The following DENND3 variants were observed in gnomAD, a reference collection of about 807,000 sequenced individuals.
DENND3 encodes the protein DENN domain-containing protein 3.
DENND3 carries 88 observed loss-of-function variants against 135.1 expected under a neutral mutation model. The observed-to-expected ratio is 0.65, with a 90% CI of 0.55 to 0.78. The LOEUF is 0.78. Ranked by LOEUF, DENND3 falls within the 30% of genes least tolerant of loss-of-function variation. DENND3 has a pLI of 0.00. For synonymous variants in DENND3, 693 were observed against 712.3 expected (o/e 0.97, Z 0.43); for missense variants, 1,392 against 1,688.4 (o/e 0.82, Z 3.08).
At position 141,168,162 on chromosome 8, in the gene DENND3, C is replaced by T. The variant is rs192799797; in HGVS notation, c.1912C>T (p.Arg638Cys). 8.8e-5 allele frequency: 142 copies of T among 1,614,220 alleles called. No individual in the cohort carries two copies. The East Asian group carries it at 1.3e-3, about 15-fold the overall frequency. The change falls in exon 13 of 23, where the codon CGC becomes TGC. Residue 638 changes from arginine (R) to cysteine (C), a missense_variant. Physicochemically the swap from Arg to Cys is radical, Grantham distance 180. Transcript: ENST00000519811. This position sits in a 1 kb window ranked among gnomAD's most constrained non-coding sequence, Gnocchi z 6.2. ...CCCCGATAACTCTCTGCTCCTGGCC[C>T]GCTATTTGTACCTCCGAGGGCTCGT... ...LAPDNSLLLA[R>C]YLYLRGLVYL...
Position 141,175,619 on chromosome 8 carries a change from T to A in DENND3, c.2535+160T>A, listed in dbSNP as rs307733. The A allele has an allele frequency of 9.1e-7, 1 of 1,098,164 alleles. No homozygotes were observed. The highest frequency in any genetic ancestry group is 1.3e-6 in the Non-Finnish European group (1 of 744,442). The allele number at this position is 1,098,164 out of a possible 1,614,324, so 68.0% of individuals were successfully genotyped here. A position where few individuals can be genotyped will look rare whatever the true frequency, so the allele number is the denominator to read the frequency against. On this transcript the variant is annotated intron_variant, in intron 14 of 22. Coordinates refer to ENST00000519811, the MANE Select transcript of DENND3 (RefSeq NM_001352890.3). This position sits in a 1 kb window ranked among gnomAD's most constrained non-coding sequence, Gnocchi z 5.4. Reference sequence around the variant, plus strand: ...TCCCTCAGTTTGCTCATCTGTAAAGTAGGAATAAGGCTGATACCTTCTCAG... The same window carrying A: ...TCCCTCAGTTTGCTCATCTGTAAAGAAGGAATAAGGCTGATACCTTCTCAG...
chr8:141,152,825 C>T (rs1818965254), intron 7 of DENND3, among the ~76,000 whole-genome samples: 1 of 152,174 alleles, frequency 6.6e-6, no homozygotes, highest in Admixed American at 6.6e-5. Context: ...AACTGCTAAG[C>T]TGTTTTCGCA....
chr8:141,159,645 A>T (rs772744802), intron 8 of DENND3, among the ~76,000 whole-genome samples: 1 of 152,260 alleles, frequency 6.6e-6, no homozygotes, highest in Non-Finnish European at 1.5e-5. Context: ...CCTAGCACAC[A>T]GATCAGTGTA....
intron 16 of DENND3, among the ~76,000 whole-genome samples, chr8:141,179,504 A>G (rs1822820296): frequency 6.6e-6 from 1 of 152,204 alleles, no homozygotes. Flanking sequence ...ACAAATCCGG[A>G]AACATTTTCC....
chr8:141,159,545 T>C (rs1002157054), intron 8 of DENND3, among the ~76,000 whole-genome samples: 1 of 152,230 alleles, frequency 6.6e-6, no homozygotes, highest in African/African-American at 2.4e-5. Context: ...CATTATCTCC[T>C]GTTTTCTTGA....
intron 10 of DENND3, 85 bp downstream of exon 10, chr8:141,163,514 T>A: frequency 1.1e-6 from 1 of 921,342 alleles, no homozygotes; most frequent in Non-Finnish European, 1.6e-6. Context: ...AAATAAGTGT[T>A]CTCAAGTGTA....
Position 141,168,503 on chromosome 8 carries a change from G to T in DENND3, c.2253G>T (p.Arg751=), listed in dbSNP as rs149816204. 1.9e-6 allele frequency: 3 copies of T among 1,609,476 alleles called. No homozygotes were observed. The highest frequency in any genetic ancestry group is 2.5e-6 in the Non-Finnish European group (3 of 1,176,874). Residue 751 remains arginine, a synonymous_variant, in exon 13 of 23, where the codon CGG becomes CGT. Transcript: ENST00000519811. This position sits in a 1 kb window ranked among gnomAD's most constrained non-coding sequence, Gnocchi z 6.2. ...GIVKDASIIH[R]LFEALTVGQE... is the part of the protein sequence containing the mutation. ...TGAAGGACGCCAGCATCATACACCG[G>T]CTGTTCGAGGCCTTGACTGTAGGTA...
In DENND3 at chr8:141,185,294, G is replaced by T; in HGVS notation, c.3084+16G>T. Reference sequence around the variant, plus strand: ...TGCAAAAGTGGTGAGTACACGAAGCGTCAGGAAAGAAGCCTCTGAATTCAC... The same window carrying T: ...TGCAAAAGTGGTGAGTACACGAAGCTTCAGGAAAGAAGCCTCTGAATTCAC... On this transcript the variant is annotated intron_variant, in intron 18 of 22. Coordinates refer to ENST00000519811, the MANE Select transcript of DENND3 (RefSeq NM_001352890.3). The T allele has an allele frequency of 6.2e-7, 1 of 1,613,666 alleles. No homozygotes were observed. Among genetic ancestry groups the T allele is most frequent in the East Asian group, 2.2e-5 (1 of 44,874 alleles).
intron 18 of DENND3, 24 bp from the exon 19 acceptor site, chr8:141,188,962 C>T (rs202159313): frequency 1.0e-4 from 167 of 1,606,124 alleles, no homozygotes; most frequent in Non-Finnish European, 7.9e-5. Flanking sequence ...ACTGATTTCT[C>T]ACGTTCCCGT....
Position 141,168,263 on chromosome 8 carries a change from T to G in DENND3, c.2013T>G (p.Phe671Leu). 1 of 1,614,178 alleles carries G rather than the reference T, an allele frequency of 6.2e-7. No homozygotes were observed. Among genetic ancestry groups the G allele is most frequent in the Non-Finnish European group, 8.5e-7 (1 of 1,180,044 alleles). ...QNLYKTDIRI[F>L]PTDLVKRTVE... ...TGTATAAAACAGACATACGGATCTT[T>G]CCCACTGATTTGGTGAAGAGGACGG... The change falls in exon 13 of 23, where the codon TTT becomes TTG. Residue 671 changes from phenylalanine to leucine, a missense_variant. Phe to Leu is a conservative substitution (Grantham distance 22, BLOSUM62 0). Coordinates refer to ENST00000519811, the MANE Select transcript of DENND3 (RefSeq NM_001352890.3). This position sits in a 1 kb window ranked among gnomAD's most constrained non-coding sequence, Gnocchi z 6.2.
At chr8:141,183,916 T>C (rs1180993834) in intron 17 of DENND3, among the ~76,000 whole-genome samples, 1 of 152,164 alleles carries the variant, frequency 6.6e-6, no homozygotes, top group African/African-American at 2.4e-5. Flanking sequence ...CAGCGTGCTT[T>C]CCGCCAGGGG....
intron 8 of DENND3, among the ~76,000 whole-genome samples, chr8:141,157,159 C>A (rs746830144): frequency 1.3e-5 from 2 of 152,162 alleles, no homozygotes; most frequent in Admixed American, 1.3e-4. Context: ...TGGCTTAGAT[C>A]AGGCGTCAGC....
chr8:141,151,828 A>G lies in DENND3; in HGVS notation c.1065A>G (p.Glu355=). Reference sequence around the variant, plus strand: ...GCTGCCATCTCGACCACTTCGAAGAAGTCAGCAAGGTTAGGTAGCGAACCT... The same window carrying G: ...GCTGCCATCTCGACCACTTCGAAGAGGTCAGCAAGGTTAGGTAGCGAACCT... ...LMGCHLDHFE[E]VSKEADGLVL... Residue 355 remains glutamate (E), a synonymous_variant, in exon 7 of 23, where the codon GAA becomes GAG. Transcript: ENST00000519811. 6.2e-7 allele frequency: 1 copy of G among 1,614,174 alleles called. No individual in the cohort carries two copies. Among genetic ancestry groups the G allele is most frequent in the Non-Finnish European group, 8.5e-7 (1 of 1,180,050 alleles).
chr8:141,192,772 T>C (rs751927616), intron 22 of DENND3, 109 bp downstream of exon 22: 1 of 1,602,490 alleles, frequency 6.2e-7, no homozygotes, highest in Non-Finnish European at 8.5e-7. Flanking sequence ...CCTCCTGCCT[T>C]CGCCTCTCAG....
intron 13 of DENND3, among the ~76,000 whole-genome samples, chr8:141,170,848 C>T (rs11783084): frequency 0.25 from 37,391 of 152,160 alleles, 4,779 homozygotes; most frequent in South Asian, 0.36. Context: ...TGGCCTGGAG[C>T]GGCCTGCTGT....
intron 17 of DENND3, among the ~76,000 whole-genome samples, chr8:141,183,085 C>T (rs1003750971): frequency 5.3e-5 from 8 of 152,018 alleles, no homozygotes; most frequent in Admixed American, 1.3e-4. Flanking sequence ...AACCTCAACG[C>T]GGTGGTAAAA....
rs192021990 is a variant in DENND3 at position 141,138,948 on chromosome 8, C to T, written c.501+811C>T. The stretch of plus-strand genomic sequence containing the variant: ...TTTTGTCTTTGGTGTGAGCGACTGG[C>T]GTTTAGACTTTACAACACATTACAT... On this transcript the variant is annotated intron_variant, in intron 3 of 22. Coordinates refer to ENST00000519811, the MANE Select transcript of DENND3 (RefSeq NM_001352890.3). This position sits in a 1 kb window ranked among gnomAD's most constrained non-coding sequence, Gnocchi z 4.8. 2.2e-4 allele frequency among the ~76,000 whole-genome samples: 34 copies of T among 152,244 alleles called. No homozygotes were observed. The highest frequency in any genetic ancestry group is 1.1e-3 in the Admixed American group (17 of 15,300).
intron 8 of DENND3, chr8:141,157,545 G>T: frequency 1.0e-6 from 1 of 985,902 alleles, no homozygotes. Context: ...GGCTGTACTT[G>T]CTTCTGGTGA....
rs912813549 is a variant in DENND3 at position 141,167,093 on chromosome 8, C to T, written c.1753+704C>T. ...TGCACGAGTGACACCTTGATGACCC[C>T]GAGGGCTATGGTCTAGCAGGGGCAG... On this transcript the variant is annotated intron_variant, in intron 12 of 22. Transcript: ENST00000519811. This position sits in a 1 kb window ranked among gnomAD's most constrained non-coding sequence, Gnocchi z 4.1. Among the ~76,000 whole-genome samples the T allele has an allele frequency of 5.3e-5, 8 of 152,160 alleles. No individual in the cohort carries two copies. The highest frequency in any genetic ancestry group is 2.1e-4 in the South Asian group (1 of 4,830).
Sources: gnomAD v4.1 joint callset for allele counts (sites outside exome capture counted in the v4.1 genomes callset) on GRCh38, gnomAD v4.1.1 for gene constraint, Gnocchi (gnomAD v3.1) non-coding constraint, MANE v1.5 for transcripts, NCBI Gene and HGNC (gene_info 2026-07-23, HGNC 2026-07-21) for gene names.